KLF12: variants seen among roughly 807,000 people sequenced by gnomAD.
The protein encoded by KLF12 is KLF transcription factor 12.
KLF12 carries 9 observed loss-of-function variants against 37.8 expected under a neutral mutation model. The ratio of observed to expected loss-of-function variants is 0.24; its 90% CI spans 0.14 to 0.42. The LOEUF is 0.42. Among genes scored for constraint, KLF12 ranks in the 10% least tolerant of loss-of-function variants. The pLI is 1.00. For missense variants in KLF12, 411 were observed against 516.0 expected (o/e 0.80, Z 1.97); for synonymous variants, 208 against 202.1 (o/e 1.03, Z -0.25).
chr13:73,862,048 T>C (rs940147151), intron 3 of KLF12, among the ~76,000 whole-genome samples: 7 of 129,034 alleles, frequency 5.4e-5, no homozygotes, highest in African/African-American at 2.0e-4. Flanking sequence ...AGTGCAGATA[T>C]AGTTGGGTTT....
chr13:74,133,055 C>G (rs541888055), intron 1 of KLF12, among the ~76,000 whole-genome samples: 2 of 152,150 alleles, frequency 1.3e-5, no homozygotes, highest in Admixed American at 6.5e-5. Context: ...CCAGGTCCCC[C>G]GTAATTGAAA....
chr13:74,059,304 G>A (rs531065883), intron 1 of KLF12, among the ~76,000 whole-genome samples: 112 of 152,326 alleles, frequency 7.4e-4, no homozygotes, highest in Middle Eastern at 3.4e-3. Context: ...ACACCCAGCA[G>A]TGGGATTGCT....
intron 1 of KLF12, among the ~76,000 whole-genome samples, chr13:74,039,041 A>G (rs958192284): frequency 7.2e-6 from 1 of 138,470 alleles, no homozygotes; most frequent in Non-Finnish European, 1.7e-5. Context: ...GTGTTCCTGG[A>G]AAGGTTTTGT....
chr13:74,237,223 C>G, the KLF12 span, among the ~76,000 whole-genome samples: 2 of 129,234 alleles, frequency 1.5e-5, no homozygotes, highest in Middle Eastern at 3.6e-3. Flanking sequence ...GCTTGTTTTT[C>G]TGAGGTTTGT....
the KLF12 span, among the ~76,000 whole-genome samples, chr13:74,294,334 G>A: frequency 6.6e-6 from 1 of 152,116 alleles, no homozygotes; most frequent in Non-Finnish European, 1.5e-5. Flanking sequence ...ATGACATAAT[G>A]TCACATGTTT....
intron 5 of KLF12, among the ~76,000 whole-genome samples, chr13:73,787,630 T>A (rs1476601267): frequency 6.6e-6 from 1 of 152,202 alleles, no homozygotes. Context: ...AGAAACTAAG[T>A]AACTTGAAAG....
chr13:74,120,127 A>C (rs986201736), intron 1 of KLF12, among the ~76,000 whole-genome samples: 2 of 152,232 alleles, frequency 1.3e-5, no homozygotes, highest in Admixed American at 1.3e-4. Context: ...CAAAGCATAT[A>C]GATACCTTTA....
At position 73,693,989 on chromosome 13, in the gene KLF12, A is replaced by G. The variant is rs563554928; in HGVS notation, c.*1501T>C. The stretch of plus-strand genomic sequence containing the variant: ...ATTTTATGGGGCTGATGGAACTAAC[A>G]CCTTCCTCTCATCCTCTGCACAGGA... On this transcript the variant is annotated 3_prime_UTR_variant, in exon 8 of 8. Coordinates refer to ENST00000377669, the MANE Select transcript of KLF12 (RefSeq NM_007249.5). 46 of 152,706 alleles carry G rather than the reference A, an allele frequency of 3.0e-4. No homozygotes were observed. Among genetic ancestry groups the G allele is most frequent in the African/African-American group, 1.1e-3 (46 of 41,550 alleles). 9.5% of individuals were successfully genotyped at this position (152,706 alleles called of 1,614,324 possible). A position where few individuals can be genotyped will look rare whatever the true frequency, so the allele number is the denominator to read the frequency against.
chr13:74,115,566 G>C (rs567653473), intron 1 of KLF12, among the ~76,000 whole-genome samples: 2 of 152,058 alleles, frequency 1.3e-5, no homozygotes, highest in Non-Finnish European at 2.9e-5. Context: ...TTAGCCAGGC[G>C]TGATGGCAGG....
chr13:73,838,365 C>A (rs562974692), intron 4 of KLF12, among the ~76,000 whole-genome samples: 2 of 152,254 alleles, frequency 1.3e-5, no homozygotes, highest in East Asian at 3.9e-4. Context: ...ATGAAAATAA[C>A]ATATTTTTGG....
chr13:73,732,602 C>G (rs1054391732), intron 6 of KLF12, among the ~76,000 whole-genome samples: 3 of 152,174 alleles, frequency 2.0e-5, no homozygotes, highest in African/African-American at 7.2e-5. Context: ...ATACCCCCTT[C>G]CCTCTTGACC....
At chr13:73,972,201 A>T (rs2138112316) in intron 2 of KLF12, among the ~76,000 whole-genome samples, 2 of 152,340 alleles carry the variant, frequency 1.3e-5, no homozygotes, top group South Asian at 2.1e-4. Flanking sequence ...CAGACGAAGA[A>T]TTTAAAGGCT....
At chr13:73,705,297 G>A (rs951767548) in intron 7 of KLF12, among the ~76,000 whole-genome samples, 4 of 152,118 alleles carry the variant, frequency 2.6e-5, no homozygotes, top group African/African-American at 7.2e-5. Flanking sequence ...ATTTTGAGAT[G>A]GAGTCTTGCT....
chr13:74,291,126 G>C, the KLF12 span, among the ~76,000 whole-genome samples: 1 of 152,168 alleles, frequency 6.6e-6, no homozygotes, highest in East Asian at 1.9e-4. Flanking sequence ...AACCTACCTG[G>C]TTTATTTTTG....
chr13:73,739,877 G>A (rs1243184190), intron 6 of KLF12, among the ~76,000 whole-genome samples: 1 of 152,234 alleles, frequency 6.6e-6, no homozygotes, highest in South Asian at 2.1e-4. Context: ...TAAACAAATT[G>A]TGTAATTTCC....
the KLF12 span, among the ~76,000 whole-genome samples, chr13:74,221,042 C>T: frequency 1.4e-5 from 2 of 146,290 alleles, no homozygotes; most frequent in African/African-American, 5.0e-5. Context: ...CTGGCTCTGT[C>T]GCCCCAGGCT....
At position 74,133,736 on chromosome 13, in the gene KLF12, G is replaced by C. The variant is rs985833330; in HGVS notation, c.-32+3C>G. Among the ~76,000 whole-genome samples, 1 of 150,366 alleles carries C rather than the reference G, an allele frequency of 6.7e-6. No homozygotes were observed. The highest frequency in any genetic ancestry group is 1.5e-5 in the Non-Finnish European group (1 of 67,852). ...TTTGATAAGAAACGGAATCGGCACA[G>C]ACCTGAACAGAAGCTGCAGAGCAGG... On this transcript the variant is annotated splice_donor_region_variant and intron_variant, in intron 1 of 7. Coordinates refer to ENST00000377669, the MANE Select transcript of KLF12 (RefSeq NM_007249.5).
intron 2 of KLF12, among the ~76,000 whole-genome samples, chr13:73,982,158 C>T (rs2138185914): frequency 6.6e-6 from 1 of 152,290 alleles, no homozygotes; most frequent in South Asian, 2.1e-4. Context: ...AAAACATTAA[C>T]TTCATTGACT....
the KLF12 span, among the ~76,000 whole-genome samples, chr13:74,155,671 C>G: frequency 6.6e-6 from 1 of 152,120 alleles, no homozygotes; most frequent in Admixed American, 6.5e-5. Context: ...CCTGTAGCTC[C>G]TATTTTTAAG....
Sources: gnomAD v4.1 joint callset for allele counts (sites outside exome capture counted in the v4.1 genomes callset) on GRCh38, gnomAD v4.1.1 for gene constraint, MANE v1.5 for transcripts, NCBI Gene and HGNC (gene_info 2026-07-23, HGNC 2026-07-21) for gene names.